LAMA1: variants seen among roughly 807,000 people sequenced by gnomAD.
LAMA1 encodes the protein laminin subunit alpha 1.
Under a neutral mutation model 348.7 loss-of-function variants are expected in LAMA1, and 219 were observed. The ratio of observed to expected loss-of-function variants is 0.63; its 90% CI spans 0.56 to 0.70. LAMA1 has a LOEUF of 0.70. Ranked by LOEUF, LAMA1 falls within the 30% of genes least tolerant of loss-of-function variation. The probability of loss-of-function intolerance (pLI) is 0.00; values close to 1 mark genes in which losing one functional copy is unlikely to be tolerated. For synonymous variants in LAMA1, 1,487 were observed against 1,491.0 expected, an observed-to-expected ratio of 1.00 and a Z score of 0.06; for missense variants, 3,744 against 3,888.0, an observed-to-expected ratio of 0.96 and a Z score of 0.99.
intron 3 of LAMA1, among the ~76,000 whole-genome samples, chr18:7,073,416 C>G (rs1412349161): frequency 1.3e-5 from 2 of 152,154 alleles, no homozygotes; most frequent in South Asian, 2.1e-4. Flanking sequence ...TCCCCATTCT[C>G]TCTCCTCCCA....
chr18:6,950,999 G>C, intron 57 of LAMA1, 28 bp from the exon 58 acceptor site: 1 of 1,602,848 alleles, frequency 6.2e-7, no homozygotes, highest in Non-Finnish European at 8.5e-7. Context: ...TCAGCGTTGA[G>C]AAAGGAAACT....
At chr18:6,972,949 C>T in intron 47 of LAMA1, 108 bp downstream of exon 47, 3 of 1,316,450 alleles carry the variant, frequency 2.3e-6, no homozygotes, top group Non-Finnish European at 3.3e-6. Flanking sequence ...CCTTGGCCTC[C>T]CAAAGTTCTG....
intron 1 of LAMA1, among the ~76,000 whole-genome samples, chr18:7,106,241 G>A (rs1036238340): frequency 2.0e-5 from 3 of 152,176 alleles, no homozygotes; most frequent in Non-Finnish European, 4.4e-5. Flanking sequence ...CAGACAAAGC[G>A]AGGGATGGTG....
At position 6,992,658 on chromosome 18, in the gene LAMA1, T is replaced by C. The variant is rs529739104; in HGVS notation, c.5071A>G (p.Thr1691Ala). 9 of 1,613,724 alleles carry C rather than the reference T, an allele frequency of 5.6e-6. No homozygotes were observed. The South Asian group carries it at 8.8e-5, about 16-fold the overall frequency. Residue 1691 changes from threonine to alanine, a missense_variant, in exon 36 of 63, where the codon ACT (threonine) becomes GCT (alanine). Physicochemically the swap from Thr to Ala is moderately conservative, Grantham distance 58. Transcript: ENST00000389658. ...CCATTCTGTTGCATGTTCTGAAGAGTAGAATTGGGTAGTAGGAAATCTTCA... is the reference window on the plus strand; with the variant it reads ...CCATTCTGTTGCATGTTCTGAAGAGCAGAATTGGGTAGTAGGAAATCTTCA... ...LDEDFLLPNSTLQNMQQNGTS... is the reference protein window; with the variant it reads ...LDEDFLLPNSALQNMQQNGTS...
intron 28 of LAMA1, among the ~76,000 whole-genome samples, chr18:7,008,183 T>C (rs1327168046): frequency 6.6e-6 from 1 of 151,606 alleles, no homozygotes; most frequent in Non-Finnish European, 1.5e-5. Context: ...AGAGAGGAAA[T>C]GGGGAGCTAG....
At chr18:7,029,990 C>A (rs1044685736) in intron 16 of LAMA1, among the ~76,000 whole-genome samples, 2 of 148,744 alleles carry the variant, frequency 1.3e-5, no homozygotes, top group African/African-American at 2.5e-5. Context: ...AAAAAAAAAC[C>A]AGCAAGGTTA....
intron 18 of LAMA1, among the ~76,000 whole-genome samples, chr18:7,023,857 G>C (rs2057930327): frequency 6.6e-6 from 1 of 152,074 alleles, no homozygotes; most frequent in African/African-American, 2.4e-5. Context: ...TTTGTTTTTT[G>C]AGATAGAGTC....
At chr18:7,004,533 G>A (rs927717443) in intron 29 of LAMA1, among the ~76,000 whole-genome samples, 1 of 152,166 alleles carries the variant, frequency 6.6e-6, no homozygotes, top group Non-Finnish European at 1.5e-5. Flanking sequence ...TGTATTTTTA[G>A]TAGAGATGGG....
chr18:6,994,667 GTACAGA>G (rs1311659499), intron 34 of LAMA1, among the ~76,000 whole-genome samples: 7 of 146,688 alleles, frequency 4.8e-5, no homozygotes, highest in Middle Eastern at 3.5e-3. Context: ...CACCATCACA[GTACAGA>G]CACACACACA....
chr18:7,109,517 C>T (rs566212844), intron 1 of LAMA1, among the ~76,000 whole-genome samples: 2 of 152,254 alleles, frequency 1.3e-5, no homozygotes, highest in African/African-American at 2.4e-5. Context: ...TGAAACAGGC[C>T]ATCACATCGA....
chr18:7,102,434 C>A (rs1260659901), intron 1 of LAMA1, among the ~76,000 whole-genome samples: 1 of 150,558 alleles, frequency 6.6e-6, no homozygotes, highest in Non-Finnish European at 1.5e-5. Flanking sequence ...AAAAGAAAAA[C>A]CTCTACTATA....
rs111570904 is a variant in LAMA1 at position 7,045,116 on chromosome 18, T to A, written c.859-277A>T. 3.8e-3 allele frequency among the ~76,000 whole-genome samples: 572 copies of A among 152,312 alleles called. 7 individuals are homozygous for A. The highest frequency in any genetic ancestry group is 0.013 in the African/African-American group (541 of 41,566). The stretch of plus-strand genomic sequence containing the variant: ...AATATACATGGAACTTATTAAGGGT[T>A]TAGAAACTCCTATTAATAATTTTCT... On this transcript the variant is annotated intron_variant, in intron 6 of 62. Transcript: ENST00000389658.
At chr18:6,971,736 A>C in intron 48 of LAMA1, 121 bp downstream of exon 48, 1 of 1,380,572 alleles carries the variant, frequency 7.2e-7, no homozygotes, top group Non-Finnish European at 1.0e-6. Context: ...TGGCAGCTAA[A>C]CACCTACCAG....
At chr18:7,025,395 G>A (rs73394417) in intron 17 of LAMA1, among the ~76,000 whole-genome samples, 16,773 of 152,192 alleles carry the variant, frequency 0.11, 1,172 homozygotes, top group African/African-American at 0.21. Flanking sequence ...AGGTAGGCTG[G>A]ACACTGCTCT....
At chr18:7,021,392 G>A (rs2057914750) in intron 19 of LAMA1, among the ~76,000 whole-genome samples, 1 of 152,178 alleles carries the variant, frequency 6.6e-6, no homozygotes, top group Non-Finnish European at 1.5e-5. Flanking sequence ...AAGCGGTTTT[G>A]TCAATGTGGA....
At chr18:7,058,753 G>A (rs1234551998) in intron 3 of LAMA1, among the ~76,000 whole-genome samples, 2 of 152,192 alleles carry the variant, frequency 1.3e-5, no homozygotes, top group African/African-American at 4.8e-5. Context: ...AATGTCTCTT[G>A]CTTAAGCTGT....
chr18:6,961,761 T>C lies in LAMA1; in HGVS notation c.7453-2A>G, dbSNP rs2057608923. On this transcript the variant is annotated splice_acceptor_variant, in intron 52 of 62. Transcript: ENST00000389658. LOFTEE classifies it high-confidence loss of function. ...CAGGAAGCTAACACTCCGGATGGGCTGGACACAGAGGAGATGGAACAGCAT... is the reference window on the plus strand; with the variant it reads ...CAGGAAGCTAACACTCCGGATGGGCCGGACACAGAGGAGATGGAACAGCAT... The C allele has an allele frequency of 1.9e-6, 3 of 1,614,026 alleles. No individual in the cohort carries two copies. The highest frequency in any genetic ancestry group is 2.5e-6 in the Non-Finnish European group (3 of 1,180,014).
intron 3 of LAMA1, among the ~76,000 whole-genome samples, chr18:7,055,114 G>C (rs548280287): frequency 7.1e-6 from 1 of 141,424 alleles, no homozygotes; most frequent in East Asian, 2.0e-4. Flanking sequence ...AGGGTCAGCT[G>C]TGTGTGTGTG....
chr18:7,081,349 T>C, intron 1 of LAMA1, among the ~76,000 whole-genome samples: 1 of 152,322 alleles, frequency 6.6e-6, no homozygotes, highest in East Asian at 1.9e-4. Context: ...ATTTATTCTG[T>C]CCTCACTTTG....
Sources: gnomAD v4.1 joint callset for allele counts (sites outside exome capture counted in the v4.1 genomes callset) on GRCh38, gnomAD v4.1.1 for gene constraint, MANE v1.5 for transcripts, NCBI Gene and HGNC (gene_info 2026-07-23, HGNC 2026-07-21) for gene names.